The following TNRC18 variants were observed in gnomAD, a reference collection of about 807,000 sequenced individuals.
TNRC18 encodes trinucleotide repeat containing 18.
Under a neutral mutation model 226.7 loss-of-function variants are expected in TNRC18, and 69 were observed. The observed-to-expected ratio is 0.30, with a 90% CI of 0.25 to 0.37. The LOEUF (loss-of-function observed/expected upper bound fraction) is 0.37. Ranked by LOEUF, TNRC18 falls within the 10% of genes least tolerant of loss-of-function variation. The pLI is 1.00. For synonymous variants in TNRC18, 2,449 were observed against 1,927.6 expected, an observed-to-expected ratio of 1.27 and a Z score of -7.09; for missense variants, 4,754 against 4,256.6, an observed-to-expected ratio of 1.12 and a Z score of -3.25.
At chr7:5,382,104 G>A (rs955950093) in intron 5 of TNRC18, among the ~76,000 whole-genome samples, 1 of 152,174 alleles carries the variant, frequency 6.6e-6, no homozygotes, top group Non-Finnish European at 1.5e-5. Flanking sequence ...CAACCCAGGA[G>A]GCAGATCCCA....
rs1780094951 is a variant in TNRC18, at chr7:5,389,305, C to G, written c.519G>C (p.Pro173=). ...DGFYLPTAGA[P]GSLHSHAPSA... ...AGGGCGCGTGAGAGTGCAGGGAGCC[C>G]GGAGCCCCCGCGGTGGGCAGGTAGA... Residue 173 remains proline (P), a synonymous_variant, in exon 5 of 30, where the codon CCG becomes CCC. Coordinates refer to ENST00000430969, the MANE Select transcript of TNRC18 (RefSeq NM_001080495.3). 7 of 1,282,582 alleles carry G rather than the reference C, an allele frequency of 5.5e-6. No homozygotes were observed. The African/African-American group carries it at 6.1e-5, about 11-fold the overall frequency. The allele number at this position is 1,282,582 out of a possible 1,614,324, so 79.5% of individuals were successfully genotyped here. A position where few individuals can be genotyped will look rare whatever the true frequency, so the allele number is the denominator to read the frequency against.
At position 5,362,781 on chromosome 7, in the gene TNRC18, G is replaced by A. The variant is rs1793197536; in HGVS notation, c.4264C>T (p.Leu1422=). 1 of 1,572,706 alleles carries A rather than the reference G, an allele frequency of 6.4e-7. No individual in the cohort carries two copies. The highest frequency in any genetic ancestry group is 8.6e-7 in the Non-Finnish European group (1 of 1,159,668). Residue 1422 remains leucine (L), a synonymous_variant, in exon 12 of 30, where the codon CTG becomes TTG. Transcript: ENST00000430969. ...LVARPSLESL[L]AAGSHMLREV... is the part of the protein sequence containing the mutation. The stretch of plus-strand genomic sequence containing the variant: ...CTCAGCATGTGGCTGCCAGCTGCCA[G>A]CAGACTCTCCAGGGAGGGCCGCGCC...
rs182202446 is a variant in TNRC18, at chr7:5,387,821, C to A, written c.2003G>T (p.Gly668Val). The change falls in exon 5 of 30, where the codon GGC becomes GTC. Residue 668 changes from glycine (G) to valine (V), a missense_variant. Gly to Val is a moderately radical substitution (Grantham distance 109). Coordinates refer to ENST00000430969, the MANE Select transcript of TNRC18 (RefSeq NM_001080495.3). ...TTCTGCCTCACCCTGGGCACCAGAG[C>A]CCTCGCGCCCGAAAGCTTTGGCGCT... ...PESAKAFGRE[G>V]SGAQGEAEVR... is the part of the protein sequence containing the mutation. The A allele has an allele frequency of 6.2e-4, 989 of 1,606,842 alleles. 9 individuals carry two copies. In the African/African-American group the frequency reaches 9.6e-3, roughly 16 times the overall value.
intron 2 of TNRC18, among the ~76,000 whole-genome samples, chr7:5,398,049 G>A (rs1254268722): frequency 6.6e-6 from 1 of 152,104 alleles, no homozygotes; most frequent in Non-Finnish European, 1.5e-5. Flanking sequence ...CACCCAGGCT[G>A]CAGTGCAGTG....
chr7:5,387,359 A>G (rs994750428), intron 5 of TNRC18, among the ~76,000 whole-genome samples: 3 of 152,202 alleles, frequency 2.0e-5, no homozygotes, highest in South Asian at 4.1e-4. Context: ...TGAAGGTTTG[A>G]TATTTGTCTA....
intron 19 of TNRC18, among the ~76,000 whole-genome samples, chr7:5,330,528 C>T (rs1193441035): frequency 6.6e-6 from 1 of 151,936 alleles, no homozygotes; most frequent in African/African-American, 2.4e-5. Context: ...CGTGAGCCAC[C>T]GCAGCCAGTC....
At chr7:5,318,774 G>T (rs987127983) in intron 24 of TNRC18, among the ~76,000 whole-genome samples, 1 of 152,086 alleles carries the variant, frequency 6.6e-6, no homozygotes, top group African/African-American at 2.4e-5. Context: ...ATGGTGAGGG[G>T]AACTATTTCC....
chr7:5,368,962 C>T (rs910704997), intron 11 of TNRC18, among the ~76,000 whole-genome samples: 1 of 152,128 alleles, frequency 6.6e-6, no homozygotes, highest in African/African-American at 2.4e-5. Flanking sequence ...CCTCCCCCTT[C>T]CCTACACCCC....
At chr7:5,406,233 C>T (rs1481620963) in intron 2 of TNRC18, among the ~76,000 whole-genome samples, 5 of 150,722 alleles carry the variant, frequency 3.3e-5, no homozygotes, top group Admixed American at 3.3e-4. Flanking sequence ...GGGAGGCCGA[C>T]GGGCAAATCA....
In TNRC18 at chr7:5,309,469, A is replaced by G; in HGVS notation, c.8389-101T>C. 9.8e-7 allele frequency: 1 copy of G among 1,015,244 alleles called. No homozygotes were observed. The highest frequency in any genetic ancestry group is 1.4e-6 in the Non-Finnish European group (1 of 694,978). 62.9% of individuals were successfully genotyped at this position (1,015,244 alleles called of 1,614,324 possible). A position where few individuals can be genotyped will look rare whatever the true frequency, so the allele number is the denominator to read the frequency against. On this transcript the variant is annotated intron_variant, in intron 27 of 29. Coordinates refer to ENST00000430969, the MANE Select transcript of TNRC18 (RefSeq NM_001080495.3). The surrounding 1 kb of genome is among the most constrained non-coding windows in gnomAD (Gnocchi z 5.7). Reference sequence around the variant, plus strand: ...TTGGGACTCTGGGCCCTCGGCCTCTAAATCAACCCCTATCCAACTGTGGGG... The same window carrying G: ...TTGGGACTCTGGGCCCTCGGCCTCTGAATCAACCCCTATCCAACTGTGGGG...
In TNRC18 at chr7:5,332,990, C is replaced by A; in HGVS notation, c.5779G>T (p.Ala1927Ser). 6.4e-7 allele frequency: 1 copy of A among 1,572,842 alleles called. No individual in the cohort carries two copies. Among genetic ancestry groups the A allele is most frequent in the Non-Finnish European group, 8.6e-7 (1 of 1,167,552 alleles). The change falls in exon 19 of 30, where the codon GCG (alanine) becomes TCG (serine). Residue 1927 changes from alanine to serine, a missense_variant. Physicochemically the swap from Ala to Ser is moderately conservative, Grantham distance 99. Coordinates refer to ENST00000430969, the MANE Select transcript of TNRC18 (RefSeq NM_001080495.3). ...SEVKVRKRSP[A>S]GLLRPKKGLG... Reference sequence around the variant, plus strand: ...CCCTTCTTGGGCCGCAGCAGCCCCGCAGGCGACCGCTTGCGCACCTTGACC... The same window carrying A: ...CCCTTCTTGGGCCGCAGCAGCCCCGAAGGCGACCGCTTGCGCACCTTGACC...
chr7:5,401,863 G>A (rs546726842), intron 2 of TNRC18, among the ~76,000 whole-genome samples: 12 of 152,190 alleles, frequency 7.9e-5, no homozygotes, highest in Admixed American at 6.5e-5. Context: ...CAAAGTGGGA[G>A]GACCGCCGGG....
chr7:5,308,371 C>T, intron 29 of TNRC18, 59 bp from the exon 30 acceptor site: 1 of 1,513,218 alleles, frequency 6.6e-7, no homozygotes, highest in Non-Finnish European at 9.0e-7. Context: ...CGAGGGAGCC[C>T]CAGGGAGCCA....
intron 11 of TNRC18, among the ~76,000 whole-genome samples, chr7:5,364,807 A>G (rs1334897568): frequency 1.3e-5 from 2 of 148,386 alleles, no homozygotes; most frequent in South Asian, 4.6e-4. Flanking sequence ...GTCTCAGGAA[A>G]AAAAAAAAAA....
At position 5,332,813 on chromosome 7, in the gene TNRC18, G is replaced by A; in HGVS notation, c.5956C>T (p.Pro1986Ser). The A allele has an allele frequency of 1.3e-6, 2 of 1,508,862 alleles. No individual in the cohort carries two copies. Among genetic ancestry groups the A allele is most frequent in the Non-Finnish European group, 1.8e-6 (2 of 1,137,208 alleles). 93.5% of individuals were successfully genotyped at this position (1,508,862 alleles called of 1,614,324 possible). The change falls in exon 19 of 30, where the codon CCC becomes TCC. Residue 1986 changes from proline (P) to serine (S), a missense_variant. Transcript: ENST00000430969. Reference protein sequence around the residue: ...GPKEPGFEAGPEASDDDLWTR... With the variant: ...GPKEPGFEAGSEASDDDLWTR... ...CACAGGTCGTCGTCGCTGGCCTCGG[G>A]CCCCGCCTCGAAGCCAGGCTCCTTG...
In TNRC18 at chr7:5,388,392, C is replaced by T; in HGVS notation, c.1432G>A (p.Ala478Thr). ...GCAGGACCGGCTGGGCCGCGGGGCG[C>T]ACGCTCGCAGGGCCTCGGGTCCGCC... ...PEADPRPCER[A>T]PRGPAGPAAQ... The change falls in exon 5 of 30, where the codon GCG (alanine) becomes ACG (threonine). Residue 478 changes from alanine (A) to threonine (T), a missense_variant. By Grantham distance (58) the Ala-to-Thr change is moderately conservative. Coordinates refer to ENST00000430969, the MANE Select transcript of TNRC18 (RefSeq NM_001080495.3). The T allele has an allele frequency of 6.6e-7, 1 of 1,517,430 alleles. No individual in the cohort carries two copies. Among genetic ancestry groups the T allele is most frequent in the South Asian group, 1.2e-5 (1 of 80,968 alleles). The allele number at this position is 1,517,430 out of a possible 1,614,324, so 94.0% of individuals were successfully genotyped here.
chr7:5,420,842 A>T, intron 2 of TNRC18: 2 of 729,398 alleles, frequency 2.7e-6, no homozygotes, highest in Non-Finnish European at 2.5e-6. Flanking sequence ...CACGAGGGCC[A>T]AGCACGCTAC....
intron 18 of TNRC18, among the ~76,000 whole-genome samples, chr7:5,341,347 A>T (rs1790663998): frequency 6.8e-6 from 1 of 147,632 alleles, no homozygotes; most frequent in Non-Finnish European, 1.5e-5. Flanking sequence ...TGAACCCAGG[A>T]GGCAGAGCTT....
chr7:5,345,517 G>GGGGGGGCCCCCCCCCCCCC, intron 18 of TNRC18, 45 bp downstream of exon 18: 1 of 377,744 alleles, frequency 2.6e-6, no homozygotes, highest in African/African-American at 2.2e-5. Context: ...AATGGCGTCC[G>GGGGGGGCCCCCCCCCCCCC]CCCCTCCCAC....
Sources: gnomAD v4.1 joint callset for allele counts (sites outside exome capture counted in the v4.1 genomes callset) on GRCh38, gnomAD v4.1.1 for gene constraint, Gnocchi (gnomAD v3.1) non-coding constraint, MANE v1.5 for transcripts, NCBI Gene and HGNC (gene_info 2026-07-23, HGNC 2026-07-21) for gene names.